CEP350: variants seen among roughly 807,000 people sequenced by gnomAD.
The protein encoded by CEP350 is centrosomal protein 350.
In CEP350, 126 loss-of-function variants were observed where a neutral mutation model predicts 331.8. That is an observed-to-expected ratio of 0.38 (90% confidence interval 0.33 to 0.44). CEP350 has a LOEUF of 0.44. Among genes scored for constraint, CEP350 ranks in the 20% least tolerant of loss-of-function variants. CEP350 has a pLI of 1.00. For missense variants in CEP350, 3,406 were observed against 3,634.6 expected (o/e 0.94, Z 1.62); for synonymous variants, 1,200 against 1,259.5 (o/e 0.95, Z 1.00).
At chr1:179,986,450 G>C (rs1009699711) in intron 2 of CEP350, among the ~76,000 whole-genome samples, 196 bp downstream of exon 2, 5 of 152,092 alleles carry the variant, frequency 3.3e-5, no homozygotes, top group African/African-American at 1.2e-4. Flanking sequence ...GTTTTGTAAA[G>C]CAGGAATCCT....
chr1:180,042,132 TCACACA>T (rs59048123), intron 19 of CEP350, among the ~76,000 whole-genome samples: 2,179 of 146,860 alleles, frequency 0.015, 46 homozygotes, highest in African/African-American at 0.048. Context: ...GAGTTTTCTC[TCACACA>T]CACACACACA....
At chr1:180,013,510 G>A (rs149132338) in intron 9 of CEP350, among the ~76,000 whole-genome samples, 43 of 152,178 alleles carry the variant, frequency 2.8e-4, no homozygotes, top group African/African-American at 1.0e-3. Context: ...TGTGGAGAGA[G>A]AGAAATAGTA....
chr1:179,988,799 A>T (rs1652837344), intron 3 of CEP350, among the ~76,000 whole-genome samples: 1 of 151,902 alleles, frequency 6.6e-6, no homozygotes, highest in African/African-American at 2.4e-5. Flanking sequence ...TCTGTCCTCT[A>T]ATCTTTAGAA....
chr1:179,980,247 C>T (rs1571809978), intron 1 of CEP350, among the ~76,000 whole-genome samples: 1 of 151,556 alleles, frequency 6.6e-6, no homozygotes. Flanking sequence ...AGATTTTTTA[C>T]CTCCTTGGTT....
chr1:180,029,207 G>A (rs1296496418), intron 14 of CEP350, among the ~76,000 whole-genome samples: 1 of 152,162 alleles, frequency 6.6e-6, no homozygotes, highest in African/African-American at 2.4e-5. Flanking sequence ...ATCTTTTAAT[G>A]TCAGGACATT....
In CEP350 at chr1:180,012,017, A is replaced by G; in HGVS notation, c.1335A>G (p.Pro445=). Residue 445 remains proline (P), a synonymous_variant, in exon 9 of 38, where the codon CCA becomes CCG. Coordinates refer to ENST00000367607, the MANE Select transcript of CEP350 (RefSeq NM_014810.5). The stretch of plus-strand genomic sequence containing the variant: ...TGGGACCTGCTCCCAGAATGGAGCC[A>G]AAAGAGCAAAGAACAGCATCAAGTG... ...KILGPAPRME[P]KEQRTASSDR... is the part of the protein sequence containing the mutation. The G allele has an allele frequency of 3.2e-6, 5 of 1,583,512 alleles. No individual in the cohort carries two copies. The highest frequency in any genetic ancestry group is 4.3e-6 in the Non-Finnish European group (5 of 1,163,596).
chr1:179,982,846 T>A (rs1352755380), intron 1 of CEP350, among the ~76,000 whole-genome samples: 1 of 152,160 alleles, frequency 6.6e-6, no homozygotes, highest in East Asian at 1.9e-4. Flanking sequence ...GCTGGAGTCT[T>A]GTGGCGCGAT....
At chr1:180,019,315 C>G (rs1655169716) in intron 11 of CEP350, among the ~76,000 whole-genome samples, 1 of 152,082 alleles carries the variant, frequency 6.6e-6, no homozygotes, top group Non-Finnish European at 1.5e-5. Context: ...GGATACCCTA[C>G]CCTGTATATT....
intron 37 of CEP350, 32 bp from the exon 38 acceptor site, chr1:180,110,965 A>C: frequency 6.3e-7 from 1 of 1,590,488 alleles, no homozygotes; most frequent in African/African-American, 1.3e-5. Flanking sequence ...TATGACAGGA[A>C]TTTTCTAACC....
intron 7 of CEP350, among the ~76,000 whole-genome samples, chr1:180,003,643 A>G (rs1483743334): frequency 6.6e-6 from 1 of 152,188 alleles, no homozygotes; most frequent in Non-Finnish European, 1.5e-5. Flanking sequence ...GCAGCAGGTA[A>G]GATACTTACA....
chr1:180,038,202 T>C (rs573356525), intron 17 of CEP350, among the ~76,000 whole-genome samples: 2 of 152,344 alleles, frequency 1.3e-5, no homozygotes, highest in East Asian at 3.9e-4. Context: ...TTAAGATTTA[T>C]CCATGTTGTT....
chr1:180,055,651 A>G lies in CEP350; in HGVS notation c.5262+1149A>G, dbSNP rs199886673. 4.1e-4 allele frequency among the ~76,000 whole-genome samples: 56 copies of G among 135,028 alleles called. 1 individual carries two copies. The highest frequency in any genetic ancestry group is 1.4e-3 in the Admixed American group (15 of 10,886). The allele number at this position is 135,028 out of a possible 152,430, so 88.6% of individuals were successfully genotyped here. A position where few individuals can be genotyped will look rare whatever the true frequency, so the allele number is the denominator to read the frequency against. ...CTGCAAGCTCCGCCTCCCAGGCGCC[A>G]TTCTCCTGCCTCAGCCTCCTGAGTA... On this transcript the variant is annotated intron_variant, in intron 25 of 37. Coordinates refer to ENST00000367607, the MANE Select transcript of CEP350 (RefSeq NM_014810.5).
At chr1:179,969,951 T>C (rs901185616) in intron 1 of CEP350, among the ~76,000 whole-genome samples, 30 of 152,208 alleles carry the variant, frequency 2.0e-4, no homozygotes, top group African/African-American at 2.4e-5. Flanking sequence ...ACTTGCAAAC[T>C]GTAAGACACC....
At chr1:180,035,358 C>T (rs1015121656) in intron 16 of CEP350, among the ~76,000 whole-genome samples, 1 of 152,142 alleles carries the variant, frequency 6.6e-6, no homozygotes, top group Non-Finnish European at 1.5e-5. Context: ...AGATTTCCAA[C>T]GTAGATGAAA....
intron 37 of CEP350, among the ~76,000 whole-genome samples, chr1:180,102,150 T>A (rs954070517): frequency 6.6e-6 from 1 of 151,868 alleles, no homozygotes; most frequent in Non-Finnish European, 1.5e-5. Context: ...TTTTTTTTTT[T>A]TTTGAGACAG....
At chr1:180,089,003 T>G (rs1660019204) in intron 32 of CEP350, among the ~76,000 whole-genome samples, 1 of 152,180 alleles carries the variant, frequency 6.6e-6, no homozygotes, top group Non-Finnish European at 1.5e-5. Flanking sequence ...GTGTGTGTGT[T>G]TTTGTTACAT....
At chr1:179,973,731 G>A (rs144488357) in intron 1 of CEP350, among the ~76,000 whole-genome samples, 4 of 152,164 alleles carry the variant, frequency 2.6e-5, no homozygotes, top group Non-Finnish European at 5.9e-5. Flanking sequence ...TGTGTTCCTT[G>A]TAGTTTATTT....
chr1:180,086,738 C>T (rs1449199209), intron 31 of CEP350, among the ~76,000 whole-genome samples: 2 of 152,148 alleles, frequency 1.3e-5, no homozygotes, highest in African/African-American at 4.8e-5. Flanking sequence ...GTTATTTTAA[C>T]AAAAAATGTT....
chr1:180,011,441 T>C (rs972048933), intron 8 of CEP350, among the ~76,000 whole-genome samples: 3 of 152,196 alleles, frequency 2.0e-5, no homozygotes, highest in Admixed American at 2.0e-4. Context: ...TCAAATTTGC[T>C]ACCTTAGTTC....
Sources: gnomAD v4.1 joint callset for allele counts (sites outside exome capture counted in the v4.1 genomes callset) on GRCh38, gnomAD v4.1.1 for gene constraint, MANE v1.5 for transcripts, NCBI Gene and HGNC (gene_info 2026-07-23, HGNC 2026-07-21) for gene names.